LAMA3: variants seen among roughly 807,000 people sequenced by gnomAD.
LAMA3 encodes the protein laminin subunit alpha-3.
Under a neutral mutation model 402.0 loss-of-function variants are expected in LAMA3, and 281 were observed. The observed-to-expected ratio is 0.70, with a 90% confidence interval of 0.63 to 0.77. The LOEUF (loss-of-function observed/expected upper bound fraction) is 0.77, where lower values mean the gene tolerates loss of function less well. Ranked by LOEUF, LAMA3 falls within the 30% of genes least tolerant of loss-of-function variation. LAMA3 has a pLI of 0.00. For synonymous variants in LAMA3, 1,431 were observed against 1,558.4 expected, an observed-to-expected ratio of 0.92 and a Z score of 1.93; for missense variants, 3,840 against 4,215.5, an observed-to-expected ratio of 0.91 and a Z score of 2.47.
intron 2 of LAMA3, among the ~76,000 whole-genome samples, chr18:23,746,721 A>T (rs1242513192): frequency 6.6e-6 from 1 of 152,094 alleles, no homozygotes; most frequent in Non-Finnish European, 1.5e-5. Flanking sequence ...GTGCACATCA[A>T]TAGATAGAAC....
At chr18:23,837,194 T>C in intron 25 of LAMA3, 105 bp downstream of exon 25, 1 of 739,638 alleles carries the variant, frequency 1.4e-6, no homozygotes, top group Non-Finnish European at 2.4e-6. Context: ...TCCTATAATC[T>C]GTGAAGAATT....
At chr18:23,811,788 G>A (rs1341789982) in intron 13 of LAMA3, among the ~76,000 whole-genome samples, 6 of 152,094 alleles carry the variant, frequency 3.9e-5, no homozygotes, top group African/African-American at 7.2e-5. Flanking sequence ...AGGCTGAGGC[G>A]GGAGGATTGC....
At chr18:23,860,884 G>A (rs1481359606) in intron 34 of LAMA3, among the ~76,000 whole-genome samples, 1 of 151,590 alleles carries the variant, frequency 6.6e-6, no homozygotes, top group East Asian at 1.9e-4. Context: ...TAGAAACAAG[G>A]TTTCACCATG....
chr18:23,932,525 G>T lies in LAMA3; in HGVS notation c.8708+234G>T, dbSNP rs1030390881. 15 of 453,946 alleles carry T rather than the reference G, an allele frequency of 3.3e-5. No homozygotes were observed. The Admixed American group carries it at 3.8e-4, about 11-fold the overall frequency. 28.1% of individuals were successfully genotyped at this position (453,946 alleles called of 1,614,324 possible). On this transcript the variant is annotated intron_variant, in intron 66 of 74. Transcript: ENST00000313654. ...AGCGTTAGCATGTAACCTTGGAAAA[G>T]ACCTAATTAAAATTAACTTCAGATT... is the stretch of plus-strand genomic sequence containing the variant.
At chr18:23,696,804 G>A (rs1189084011) in intron 1 of LAMA3, among the ~76,000 whole-genome samples, 1 of 152,214 alleles carries the variant, frequency 6.6e-6, no homozygotes, top group Non-Finnish European at 1.5e-5. Context: ...CCTGATAGAT[G>A]AACTCTTTAT....
At chr18:23,948,295 G>A (rs752910580) in intron 70 of LAMA3, among the ~76,000 whole-genome samples, 4 of 152,158 alleles carry the variant, frequency 2.6e-5, no homozygotes, top group Non-Finnish European at 5.9e-5. Context: ...TTCAACCTGA[G>A]GGTATAAACC....
chr18:23,869,424 A>G (rs1372297609), intron 37 of LAMA3, among the ~76,000 whole-genome samples: 1 of 152,220 alleles, frequency 6.6e-6, no homozygotes, highest in African/African-American at 2.4e-5. Flanking sequence ...CTACAAATTG[A>G]CACAAGGGTT....
intron 12 of LAMA3, among the ~76,000 whole-genome samples, chr18:23,796,677 A>G (rs2062769451): frequency 6.6e-6 from 1 of 152,214 alleles, no homozygotes. Flanking sequence ...CCTTTTAAAA[A>G]TAAGTGTTTA....
rs1401758319 is a variant in LAMA3, at chr18:23,873,077, C to T, written c.4998+1416C>T. 1 of 1,614,208 alleles carries T rather than the reference C, an allele frequency of 6.2e-7. No homozygotes were observed. Among genetic ancestry groups the T allele is most frequent in the Non-Finnish European group, 8.5e-7 (1 of 1,180,038 alleles). ...CAGCAGTGAGGCGGTCAGCCTGCAG[C>T]ATGGGATGGCTGTGGATCTTTGGGG... On this transcript the variant is annotated intron_variant, in intron 38 of 74. Transcript: ENST00000313654.
intron 69 of LAMA3, among the ~76,000 whole-genome samples, chr18:23,945,086 T>G (rs1195537589): frequency 6.6e-6 from 1 of 151,642 alleles, no homozygotes; most frequent in Non-Finnish European, 1.5e-5. Context: ...TGAGCCGAGA[T>G]CACACCACTG....
intron 20 of LAMA3, 127 bp from the exon 21 acceptor site, chr18:23,824,295 TA>T: frequency 1.1e-6 from 1 of 898,418 alleles, no homozygotes; most frequent in South Asian, 1.4e-5. Flanking sequence ...ATAAGATCAG[TA>T]AATCTGATCA....
intron 1 of LAMA3, among the ~76,000 whole-genome samples, chr18:23,694,576 A>G (rs1264720154): frequency 6.6e-6 from 1 of 152,226 alleles, no homozygotes; most frequent in Non-Finnish European, 1.5e-5. Flanking sequence ...TGAAGCGCAC[A>G]GAAGTTAAGT....
chr18:23,751,639 C>CAT (rs1371385155), intron 5 of LAMA3, among the ~76,000 whole-genome samples: 2 of 152,178 alleles, frequency 1.3e-5, no homozygotes, highest in Non-Finnish European at 2.9e-5. Flanking sequence ...CTGGTCATAT[C>CAT]ATAGCCTCAC....
chr18:23,793,696 C>CAAAT lies in LAMA3; in HGVS notation c.1603+9540_1603+9543dup, dbSNP rs527316242. ...CAACACAGAAGAAAACGTCTGTGAC[C>CAAAT]AAATGTGTGGGGGTCTCTTCCCATC... On this transcript the variant is annotated intron_variant, in intron 12 of 74. Transcript: ENST00000313654. Among the ~76,000 whole-genome samples, 913 of 152,254 alleles carry CAAAT rather than the reference C, an allele frequency of 6.0e-3. 9 individuals carry two copies. Among genetic ancestry groups the CAAAT allele is most frequent in the Middle Eastern group, 0.01 (3 of 294 alleles).
intron 67 of LAMA3, among the ~76,000 whole-genome samples, chr18:23,937,371 CAAAAAAAAA>C (rs58274189): frequency 6.5e-5 from 6 of 92,918 alleles, no homozygotes; most frequent in African/African-American, 1.0e-4. Flanking sequence ...TTCTCAAAAG[CAAAAAAAAA>C]AAAAAAAAAA....
rs1309267376 is a variant in LAMA3, at chr18:23,876,484, A to G, written c.5112+77A>G. On this transcript the variant is annotated intron_variant, in intron 39 of 74. Transcript: ENST00000313654. ...ATTCCCCTGTACTATGCCCAAAGAC[A>G]TCAACATTACATCTCCCGCCAAACC... The G allele has an allele frequency of 5.3e-6, 5 of 949,128 alleles. No homozygotes were observed. The African/African-American group carries it at 6.4e-5, about 12-fold the overall frequency. 58.8% of individuals were successfully genotyped at this position (949,128 alleles called of 1,614,324 possible).
chr18:23,816,986 A>C (rs1350398987), intron 18 of LAMA3, among the ~76,000 whole-genome samples: 1 of 152,216 alleles, frequency 6.6e-6, no homozygotes, highest in African/African-American at 2.4e-5. Flanking sequence ...CCACACACCC[A>C]GGTGCCTGGG....
At chr18:23,872,812 G>A (rs1288414139) in intron 38 of LAMA3, 16 of 553,162 alleles carry the variant, frequency 2.9e-5, no homozygotes, top group Non-Finnish European at 3.3e-5. Context: ...GAGGTGGGTG[G>A]AAGGTGATGC....
intron 2 of LAMA3, among the ~76,000 whole-genome samples, chr18:23,725,849 C>T (rs544559003): frequency 7.9e-5 from 12 of 152,372 alleles, no homozygotes; most frequent in African/African-American, 2.9e-4. Flanking sequence ...TTGCACTTCT[C>T]TCTTTAATTC....
Sources: gnomAD v4.1 joint callset for allele counts (sites outside exome capture counted in the v4.1 genomes callset) on GRCh38, gnomAD v4.1.1 for gene constraint, MANE v1.5 for transcripts, NCBI Gene and HGNC (gene_info 2026-07-23, HGNC 2026-07-21) for gene names.